Variants in ATP9A observed in about 807,000 individuals in gnomAD.
ATP9A encodes the protein ATPase phospholipid transporting 9A.
Under a neutral mutation model 144.1 loss-of-function variants are expected in ATP9A, and 52 were observed. The ratio of observed to expected loss-of-function variants is 0.36; its 90% confidence interval spans 0.29 to 0.45. The LOEUF is 0.45. ATP9A is among the 20% of genes least tolerant of loss of function. ATP9A has a pLI of 1.00. For synonymous variants in ATP9A, 582 were observed against 557.4 expected (o/e 1.04, Z -0.62); for missense variants, 947 against 1,392.7 (o/e 0.68, Z 5.09).
intron 4 of ATP9A, among the ~76,000 whole-genome samples, chr20:51,699,645 C>CT (rs993514881): frequency 6.6e-6 from 1 of 151,170 alleles, no homozygotes; most frequent in Non-Finnish European, 1.5e-5. Flanking sequence ...CTTCTGACTT[C>CT]TTTTTTTTTC....
intron 3 of ATP9A, among the ~76,000 whole-genome samples, chr20:51,724,804 C>G (rs985643499): frequency 6.6e-6 from 1 of 152,204 alleles, no homozygotes; most frequent in Non-Finnish European, 1.5e-5. Flanking sequence ...TGCTACACAT[C>G]GCATGCACAA....
intron 14 of ATP9A, among the ~76,000 whole-genome samples, chr20:51,644,804 T>TA (rs2077335507): frequency 1.7e-5 from 2 of 116,080 alleles, no homozygotes; most frequent in Admixed American, 1.9e-4. Context: ...AATGATTTTT[T>TA]TATTCCTATT....
chr20:51,663,248 A>C (rs2077418427), intron 13 of ATP9A, among the ~76,000 whole-genome samples: 1 of 152,158 alleles, frequency 6.6e-6, no homozygotes, highest in Non-Finnish European at 1.5e-5. Context: ...ACAGAGACAG[A>C]GAGAAATAAA....
chr20:51,740,743 T>G (rs2077781513), intron 1 of ATP9A, among the ~76,000 whole-genome samples: 1 of 150,934 alleles, frequency 6.6e-6, no homozygotes, highest in African/African-American at 2.4e-5. Context: ...TAATTTTTTT[T>G]ATTTTTTATT....
chr20:51,672,110 T>G (rs370813015), intron 11 of ATP9A, among the ~76,000 whole-genome samples: 2 of 152,094 alleles, frequency 1.3e-5, no homozygotes, highest in South Asian at 4.1e-4. Context: ...GGAATTTAAC[T>G]ACCTTAGACA....
At chr20:51,762,276 G>A (rs957075705) in intron 1 of ATP9A, among the ~76,000 whole-genome samples, 3 of 152,076 alleles carry the variant, frequency 2.0e-5, no homozygotes, top group Non-Finnish European at 2.9e-5. Flanking sequence ...CAAGGTGAGC[G>A]GATCATGAGG....
At chr20:51,739,968 A>G (rs920606143) in intron 1 of ATP9A, among the ~76,000 whole-genome samples, 4 of 152,170 alleles carry the variant, frequency 2.6e-5, no homozygotes, top group Non-Finnish European at 5.9e-5. Context: ...GACTGCAAAG[A>G]TTCACCCACC....
intron 1 of ATP9A, among the ~76,000 whole-genome samples, chr20:51,761,179 A>G (rs2077878773): frequency 2.6e-5 from 4 of 151,310 alleles, no homozygotes; most frequent in African/African-American, 9.7e-5. Flanking sequence ...GTGCAGCATG[A>G]AAGAGGAAAC....
At chr20:51,648,900 G>A (rs190418119) in intron 14 of ATP9A, among the ~76,000 whole-genome samples, 2 of 152,258 alleles carry the variant, frequency 1.3e-5, no homozygotes, top group East Asian at 3.9e-4. Flanking sequence ...GGTGGAACTG[G>A]AAGTTGCTAA....
intron 15 of ATP9A, among the ~76,000 whole-genome samples, chr20:51,634,587 C>T (rs1019143252): frequency 1.3e-5 from 2 of 152,174 alleles, no homozygotes; most frequent in Admixed American, 6.5e-5. Context: ...CCGAGCGTGG[C>T]GGCTCACTTC....
intron 24 of ATP9A, among the ~76,000 whole-genome samples, chr20:51,609,253 T>C (rs1458733595): frequency 6.6e-6 from 1 of 152,096 alleles, no homozygotes; most frequent in Non-Finnish European, 1.5e-5. Context: ...TTCTGTAATG[T>C]TCTTGTACTC....
In ATP9A at chr20:51,619,008, G is replaced by T. The variant is rs755322258; in HGVS notation, c.2151C>A (p.Asn717Lys). The change falls in exon 20 of 28, where the codon AAC (asparagine) becomes AAA (lysine). Residue 717 changes from asparagine to lysine, a missense_variant. Physicochemically the swap from Asn to Lys is moderately conservative, Grantham distance 94 (BLOSUM62 0). This residue lies in a region of ATP9A where 770 missense variants were observed against 1,047.9 expected (regional missense o/e 0.73). Coordinates refer to ENST00000338821, the MANE Select transcript of ATP9A (RefSeq NM_006045.3). ...TNRGEAHLEL[N>K]AFRRKHDCAL... ...CACAATCATGCTTCCTGCGGAAGGC[G>T]TTCAGCTCGAGGTGAGCCTCCCCGC... 6.2e-7 allele frequency: 1 copy of T among 1,614,170 alleles called. No homozygotes were observed. The highest frequency in any genetic ancestry group is 1.1e-5 in the South Asian group (1 of 91,088).
chr20:51,642,907 G>A (rs187346007), intron 14 of ATP9A, among the ~76,000 whole-genome samples: 80 of 152,010 alleles, frequency 5.3e-4, no homozygotes, highest in African/African-American at 1.8e-3. Context: ...GCTATACCCC[G>A]AAGAAGAGAT....
At chr20:51,728,296 G>A (rs1407870729) in intron 2 of ATP9A, among the ~76,000 whole-genome samples, 2 of 152,090 alleles carry the variant, frequency 1.3e-5, no homozygotes, top group African/African-American at 2.4e-5. Flanking sequence ...GGGGGGAGTT[G>A]AGGAAACCAG....
chr20:51,726,889 CTTTTTTTTTTTTT>C (rs55719132), intron 2 of ATP9A, among the ~76,000 whole-genome samples: 3 of 93,988 alleles, frequency 3.2e-5, no homozygotes, highest in Admixed American at 1.4e-4. Flanking sequence ...TGTGTTATTT[CTTTTTTTTTTTTT>C]TTTTTTTTTT....
chr20:51,763,452 A>C (rs968367954), intron 1 of ATP9A, among the ~76,000 whole-genome samples: 5 of 151,656 alleles, frequency 3.3e-5, no homozygotes, highest in African/African-American at 1.2e-4. Context: ...AGCTGGGACT[A>C]CAAGTGCCCG....
At position 51,729,829 on chromosome 20, in the gene ATP9A, C is replaced by T; in HGVS notation, c.213+5G>A. On this transcript the variant is annotated splice_donor_5th_base_variant and intron_variant, in intron 2 of 27. Transcript: ENST00000338821. ...GAAAAGAGCACGGTCCCTGCCTGCA[C>T]GTACCCCAGGAAGAAAGGTGAAGAA... 2 of 1,574,610 alleles carry T rather than the reference C, an allele frequency of 1.3e-6. No homozygotes were observed. Among genetic ancestry groups the T allele is most frequent in the South Asian group, 1.2e-5 (1 of 84,732 alleles).
intron 4 of ATP9A, among the ~76,000 whole-genome samples, chr20:51,704,585 A>G (rs1672706488): frequency 1.3e-5 from 2 of 152,096 alleles, no homozygotes; most frequent in South Asian, 4.1e-4. Context: ...GTTCAAGACC[A>G]GCCTGACTGA....
intron 14 of ATP9A, among the ~76,000 whole-genome samples, chr20:51,644,422 C>T (rs1381575225): frequency 6.6e-6 from 1 of 151,260 alleles, no homozygotes; most frequent in Non-Finnish European, 1.5e-5. Flanking sequence ...CGCCACCACA[C>T]CCGGCTAATT....
Sources: allele counts gnomAD v4.1 joint callset (sites outside exome capture counted in the v4.1 genomes callset), GRCh38; gene constraint gnomAD v4.1.1; regional missense constraint gnomAD v4.1.1; transcripts MANE v1.5; gene names NCBI Gene and HGNC (gene_info 2026-07-23, HGNC 2026-07-21).